The following NPAS3 variants were observed in gnomAD, a reference collection of about 807,000 sequenced individuals.
NPAS3 encodes the protein neuronal PAS domain protein 3.
In NPAS3, 14 loss-of-function variants were observed where a neutral mutation model predicts 73.1. The ratio of observed to expected loss-of-function variants is 0.19; its 90% CI spans 0.13 to 0.30. NPAS3 has a LOEUF of 0.30. NPAS3 is among the 10% of genes least tolerant of loss of function. The pLI is 1.00. For synonymous variants in NPAS3, 620 were observed against 541.5 expected (o/e 1.14, Z -2.01); for missense variants, 1,096 against 1,250.0 (o/e 0.88, Z 1.86).
rs567375987 is a variant in NPAS3 at position 33,174,073 on chromosome 14, T to C, written c.141-41109T>C. 5.8e-4 allele frequency among the ~76,000 whole-genome samples: 88 copies of C among 152,334 alleles called. 1 individual carries two copies. Among genetic ancestry groups the C allele is most frequent in the African/African-American group, 1.9e-3 (78 of 41,574 alleles). The stretch of plus-strand genomic sequence containing the variant: ...TATTTTTTGCAGACATGATTTACTA[T>C]AGAAATAGTGTGTTATGCTCTCTTT... On this transcript the variant is annotated intron_variant, in intron 2 of 11. Coordinates refer to ENST00000356141, the Ensembl canonical transcript of NPAS3.
intron 1 of NPAS3, among the ~76,000 whole-genome samples, chr14:33,042,247 T>A (rs1256328614): frequency 6.6e-6 from 1 of 152,120 alleles, no homozygotes; most frequent in African/African-American, 2.4e-5. Context: ...TCTGGGGATA[T>A]TCCAACTAGA....
At chr14:33,137,622 A>C (rs910293950) in intron 2 of NPAS3, among the ~76,000 whole-genome samples, 2 of 152,212 alleles carry the variant, frequency 1.3e-5, no homozygotes, top group African/African-American at 2.4e-5. Context: ...AGATTAGTGG[A>C]AATTGTAACA....
chr14:33,336,803 T>C (rs1398367824), intron 3 of NPAS3, among the ~76,000 whole-genome samples: 1 of 152,206 alleles, frequency 6.6e-6, no homozygotes, highest in African/African-American at 2.4e-5. Flanking sequence ...CATCTTAGAA[T>C]TCTGCCTACC....
At chr14:33,785,064 A>G (rs895262624) in intron 9 of NPAS3, among the ~76,000 whole-genome samples, 2 of 151,766 alleles carry the variant, frequency 1.3e-5, no homozygotes, top group East Asian at 1.9e-4. Context: ...AGCTGCTTTT[A>G]TAGTTTTTTT....
chr14:33,607,953 G>C (rs2057629466), intron 5 of NPAS3, among the ~76,000 whole-genome samples: 1 of 152,056 alleles, frequency 6.6e-6, no homozygotes, highest in African/African-American at 2.4e-5. Flanking sequence ...AATAGCGTGG[G>C]GGAAGCTGCC....
Position 33,604,497 on chromosome 14 carries a change from A to C in NPAS3, c.558+44287A>C, listed in dbSNP as rs80267582. Among the ~76,000 whole-genome samples the C allele has an allele frequency of 0.014, 2,188 of 152,014 alleles. 109 individuals carry two copies. In the East Asian group the frequency reaches 0.2, roughly 14 times the overall value. On this transcript the variant is annotated intron_variant, in intron 5 of 11. Transcript: ENST00000356141. ...CAGTACTGCTAAAATGCAAGGAGGA[A>C]TAAAAAAAATTCACAATTATAGTTG... is the stretch of plus-strand genomic sequence containing the variant.
chr14:33,197,646 G>A (rs1045020872), intron 2 of NPAS3, among the ~76,000 whole-genome samples: 1 of 152,148 alleles, frequency 6.6e-6, no homozygotes, highest in Admixed American at 6.6e-5. Context: ...TCAGCTACAG[G>A]AAAACAATGG....
In NPAS3 at chr14:33,791,552, C is replaced by T. The variant is rs191727050; in HGVS notation, c.1154-2345C>T. Among the ~76,000 whole-genome samples, 231 of 152,302 alleles carry T rather than the reference C, an allele frequency of 1.5e-3. 1 individual carries two copies. The highest frequency in any genetic ancestry group is 3.4e-3 in the Middle Eastern group (1 of 294). On this transcript the variant is annotated intron_variant, in intron 9 of 11. Transcript: ENST00000356141. ...AGCAAAGAAGCCTTTCAGCCCCCTT[C>T]GCTACACATACGTGCAGACCACTGG...
chr14:33,746,429 C>T (rs1334906121), intron 7 of NPAS3, among the ~76,000 whole-genome samples: 5 of 151,430 alleles, frequency 3.3e-5, no homozygotes, highest in Non-Finnish European at 7.4e-5. Flanking sequence ...CCTCATGATC[C>T]GCCCACCTCG....
intron 1 of NPAS3, among the ~76,000 whole-genome samples, chr14:33,037,968 A>G (rs2040225680): frequency 6.6e-6 from 1 of 152,204 alleles, no homozygotes; most frequent in Non-Finnish European, 1.5e-5. Context: ...CTATAGAAGC[A>G]CCATGTCACT....
chr14:33,536,460 G>A (rs1333939947), intron 4 of NPAS3, among the ~76,000 whole-genome samples: 1 of 152,150 alleles, frequency 6.6e-6, no homozygotes. Flanking sequence ...GAAATGCAGA[G>A]ATAGAAAAAT....
intron 6 of NPAS3, among the ~76,000 whole-genome samples, chr14:33,709,984 G>A (rs2060771970): frequency 6.6e-6 from 1 of 152,194 alleles, no homozygotes; most frequent in Non-Finnish European, 1.5e-5. Context: ...TCACACTTGT[G>A]TTAGCAAGAG....
chr14:33,713,536 T>A (rs756211249), intron 6 of NPAS3, among the ~76,000 whole-genome samples: 1 of 152,272 alleles, frequency 6.6e-6, no homozygotes, highest in South Asian at 2.1e-4. Flanking sequence ...GGAGGCATGC[T>A]TGATGCTTGA....
chr14:33,240,715 A>G (rs1296779651), intron 3 of NPAS3, among the ~76,000 whole-genome samples: 2 of 151,866 alleles, frequency 1.3e-5, no homozygotes, highest in African/African-American at 4.8e-5. Context: ...ACTGTTTTAC[A>G]GCTGGTTCCT....
chr14:33,141,128 C>T (rs1489433397), intron 2 of NPAS3, among the ~76,000 whole-genome samples: 1 of 152,194 alleles, frequency 6.6e-6, no homozygotes, highest in Non-Finnish European at 1.5e-5. Flanking sequence ...CACCTGCAGT[C>T]ACTTAGTATT....
At chr14:33,687,918 A>G (rs1036708363) in intron 6 of NPAS3, among the ~76,000 whole-genome samples, 2 of 152,202 alleles carry the variant, frequency 1.3e-5, no homozygotes, top group African/African-American at 2.4e-5. Flanking sequence ...GATTCAGTTA[A>G]TGGAGGTCTC....
chr14:33,393,095 A>G (rs966411080), intron 4 of NPAS3, among the ~76,000 whole-genome samples: 1 of 152,076 alleles, frequency 6.6e-6, no homozygotes, highest in Non-Finnish European at 1.5e-5. Context: ...TTATTTTCTA[A>G]ATTGTTTTCT....
intron 5 of NPAS3, among the ~76,000 whole-genome samples, chr14:33,673,835 G>A (rs904117236): frequency 2.6e-5 from 4 of 152,204 alleles, no homozygotes; most frequent in African/African-American, 9.7e-5. Context: ...ATTGTCCAAG[G>A]TCACACAACT....
At chr14:33,329,697 G>A (rs2140271203) in intron 3 of NPAS3, among the ~76,000 whole-genome samples, 1 of 152,190 alleles carries the variant, frequency 6.6e-6, no homozygotes, top group Non-Finnish European at 1.5e-5. Flanking sequence ...GACAGGGTGG[G>A]AGTTGGGTTC....
Sources: allele counts gnomAD v4.1 joint callset (sites outside exome capture counted in the v4.1 genomes callset), GRCh38; gene constraint gnomAD v4.1.1; transcripts MANE v1.5; gene names NCBI Gene and HGNC (gene_info 2026-07-23, HGNC 2026-07-21).